The following ZNF813 variants were observed in gnomAD, a reference collection of about 807,000 sequenced individuals.
ZNF813 encodes zinc finger protein 813.
In ZNF813, 3 loss-of-function variants were observed where a neutral mutation model predicts 7.2. That is an observed-to-expected ratio of 0.42 (90% CI 0.19 to 1.08). The LOEUF (loss-of-function observed/expected upper bound fraction) is 1.08, where lower values mean the gene tolerates loss of function less well. Among genes scored for constraint, ZNF813 ranks in the 50% least tolerant of loss-of-function variants. ZNF813 has a pLI of 0.30. For synonymous variants in ZNF813, 227 were observed against 256.3 expected (o/e 0.89, Z 1.09); for missense variants, 714 against 753.3 (o/e 0.95, Z 0.61).
chr19:53,489,208 T>C (rs1208612783), intron 3 of ZNF813, among the ~76,000 whole-genome samples: 1 of 151,930 alleles, frequency 6.6e-6, no homozygotes, highest in Admixed American at 6.6e-5. Context: ...GGTTTCTCCA[T>C]GTTTGTCAGG....
intron 1 of ZNF813, among the ~76,000 whole-genome samples, chr19:53,470,172 T>C (rs367763686): frequency 1.2e-4 from 16 of 132,626 alleles, no homozygotes; most frequent in African/African-American, 1.2e-4. Flanking sequence ...TCTTTTCTTT[T>C]CTTTCTTTCT....
chr19:53,491,231 C>T lies in ZNF813; in HGVS notation c.999C>T (p.Gly333=). Residue 333 remains glycine (G), a synonymous_variant, in exon 4 of 4, where the codon GGC becomes GGT. Transcript: ENST00000396403. Reference sequence around the variant, plus strand: ...AACCATACAAGTGTAATGAATGTGGCAAGACCTTTAGTCAGACGTCATCCC... The same window carrying T: ...AACCATACAAGTGTAATGAATGTGGTAAGACCTTTAGTCAGACGTCATCCC... ...GEKPYKCNEC[G]KTFSQTSSLT... The T allele has an allele frequency of 6.2e-7, 1 of 1,613,906 alleles. No individual in the cohort carries two copies. Among genetic ancestry groups the T allele is most frequent in the Non-Finnish European group, 8.5e-7 (1 of 1,179,794 alleles).
rs878873897 is a variant in ZNF813 at position 53,491,282 on chromosome 19, T to G, written c.1050T>G (p.Thr350=). The G allele has an allele frequency of 6.2e-7, 1 of 1,613,898 alleles. No individual in the cohort carries two copies. The highest frequency in any genetic ancestry group is 8.5e-7 in the Non-Finnish European group (1 of 1,179,936). ...SSLTCHRRLH[T]GEKPFKCNEC... ...TTACATGCCATCGTAGACTTCATAC[T>G]GGAGAGAAACCTTTCAAGTGTAATG... Residue 350 remains threonine, a synonymous_variant, in exon 4 of 4, where the codon ACT becomes ACG. Transcript: ENST00000396403.
Position 53,486,587 on chromosome 19 carries a change from G to T in ZNF813, c.16-45G>T. On this transcript the variant is annotated intron_variant, in intron 2 of 3. Transcript: ENST00000396403. ...CTCTTCTCATTTTCTGTGAAGATAA[G>T]AACTCCTCCCATAACAATTTCCTTA... 4.3e-6 allele frequency: 7 copies of T among 1,613,780 alleles called. No homozygotes were observed. In the South Asian group the frequency reaches 4.4e-5, roughly 10 times the overall value.
At chr19:53,484,647 C>G (rs903073066) in intron 2 of ZNF813, among the ~76,000 whole-genome samples, 5 of 152,208 alleles carry the variant, frequency 3.3e-5, no homozygotes, top group African/African-American at 1.2e-4. Flanking sequence ...TCATGGGAAC[C>G]TCCATCTTCC....
chr19:53,469,927 C>G (rs1290295603), intron 1 of ZNF813, among the ~76,000 whole-genome samples: 1 of 151,532 alleles, frequency 6.6e-6, no homozygotes, highest in African/African-American at 2.4e-5. Flanking sequence ...ACTTAAGGTA[C>G]GCACCGGCTC....
At chr19:53,489,765 C>T (rs1357419515) in intron 3 of ZNF813, among the ~76,000 whole-genome samples, 3 of 152,088 alleles carry the variant, frequency 2.0e-5, no homozygotes, top group African/African-American at 7.2e-5. Context: ...GTGTTGCAAT[C>T]TCAGCTCACT....
intron 1 of ZNF813, among the ~76,000 whole-genome samples, chr19:53,471,234 CA>C (rs2086357517): frequency 6.6e-6 from 1 of 152,172 alleles, no homozygotes; most frequent in Non-Finnish European, 1.5e-5. Flanking sequence ...TTTTTCCTGG[CA>C]ACTGTCGGTA....
Position 53,491,261 on chromosome 19 carries a change from A to G in ZNF813, c.1029A>G (p.Thr343=), listed in dbSNP as rs758532935. 8 of 1,614,152 alleles carry G rather than the reference A, an allele frequency of 5.0e-6. No homozygotes were observed. In the East Asian group the frequency reaches 8.9e-5, roughly 18 times the overall value. Residue 343 remains threonine, a synonymous_variant, in exon 4 of 4, where the codon ACA becomes ACG. Coordinates refer to ENST00000396403, the MANE Select transcript of ZNF813 (RefSeq NM_001004301.4). ...GKTFSQTSSL[T]CHRRLHTGEK... ...CCTTTAGTCAGACGTCATCCCTTACATGCCATCGTAGACTTCATACTGGAG... is the reference window on the plus strand; with the variant it reads ...CCTTTAGTCAGACGTCATCCCTTACGTGCCATCGTAGACTTCATACTGGAG...
At chr19:53,468,777 GAATGGA>G (rs1253068119) in intron 1 of ZNF813, among the ~76,000 whole-genome samples, 1 of 151,798 alleles carries the variant, frequency 6.6e-6, no homozygotes, top group East Asian at 1.9e-4. Flanking sequence ...AGAATAGAAC[GAATGGA>G]AATGGTCAGC....
intron 2 of ZNF813, among the ~76,000 whole-genome samples, chr19:53,484,205 A>G (rs2086422338): frequency 6.6e-6 from 1 of 152,188 alleles, no homozygotes; most frequent in Non-Finnish European, 1.5e-5. Context: ...TGGAAGTCAC[A>G]TATTCATGTG....
rs1487517038 is a variant in ZNF813 at position 53,492,634 on chromosome 19, A to T, written c.*548A>T. 10 of 761,274 alleles carry T rather than the reference A, an allele frequency of 1.3e-5. No individual in the cohort carries two copies. In the Admixed American group the frequency reaches 1.9e-4, roughly 15 times the overall value. The allele number at this position is 761,274 out of a possible 1,614,324, so 47.2% of individuals were successfully genotyped here. The stretch of plus-strand genomic sequence containing the variant: ...TGGTGAAGGAAACTTGACTAATGTA[A>T]TGATTGTCACCAAGTCTTCAGTAAC... On this transcript the variant is annotated 3_prime_UTR_variant, in exon 4 of 4. Coordinates refer to ENST00000396403, the MANE Select transcript of ZNF813 (RefSeq NM_001004301.4).
chr19:53,491,792 G>T lies in ZNF813; in HGVS notation c.1560G>T (p.Glu520Asp), dbSNP rs1233365099. 3.1e-6 allele frequency: 5 copies of T among 1,613,664 alleles called. No homozygotes were observed. The highest frequency in any genetic ancestry group is 2.2e-5 in the East Asian group (1 of 44,852). The change falls in exon 4 of 4, where the codon GAG (glutamate) becomes GAT (aspartate). Residue 520 changes from glutamate (E) to aspartate (D), a missense_variant. Glu to Asp is a conservative substitution (Grantham distance 45, BLOSUM62 2). Around this residue, in one of 3 missense-constraint regions of ZNF813, gnomAD observed 122 missense variants for 146.8 expected, o/e 0.83. Transcript: ENST00000396403. ...LACHHRLHTG[E>D]KPYKCNECGK... is the part of the protein sequence containing the mutation. ...GTCATCATAGACTTCATACTGGAGAGAAACCTTACAAGTGTAATGAATGTG... is the reference window on the plus strand; with the variant it reads ...GTCATCATAGACTTCATACTGGAGATAAACCTTACAAGTGTAATGAATGTG...
At chr19:53,489,227 G>A (rs923443853) in intron 3 of ZNF813, among the ~76,000 whole-genome samples, 2 of 152,038 alleles carry the variant, frequency 1.3e-5, no homozygotes, top group Non-Finnish European at 2.9e-5. Context: ...GGCTGGTCTC[G>A]AACTCCTGAC....
rs189489225 is a variant in ZNF813, at chr19:53,494,159, A to T, written c.*2073A>T. ...CTTGAGTATCTACAGTCCTTTTTAC[A>T]TCCTCTTGAATACAGCTTTTTAGTA... On this transcript the variant is annotated 3_prime_UTR_variant, in exon 4 of 4. Transcript: ENST00000396403. The T allele has an allele frequency of 6.6e-6, 1 of 152,334 alleles. No individual in the cohort carries two copies. Among genetic ancestry groups the T allele is most frequent in the Admixed American group, 6.5e-5 (1 of 15,310 alleles). The allele number at this position is 152,334 out of a possible 1,614,324, so 9.4% of individuals were successfully genotyped here.
At chr19:53,485,636 A>G (rs927947502) in intron 2 of ZNF813, among the ~76,000 whole-genome samples, 3 of 143,764 alleles carry the variant, frequency 2.1e-5, no homozygotes, top group East Asian at 2.1e-4. Context: ...GTCGTGATAT[A>G]TACATGTATG....
intron 1 of ZNF813, among the ~76,000 whole-genome samples, chr19:53,469,088 A>G (rs1050192864): frequency 7.2e-5 from 11 of 152,182 alleles, no homozygotes; most frequent in Admixed American, 3.3e-4. Context: ...ACTTTTACCA[A>G]GCATACTGCC....
Position 53,496,089 on chromosome 19 carries a change from C to T in ZNF813, c.*4003C>T, listed in dbSNP as rs2708833. ...ATTTATGCTGTGTGAGCATTACAAT[C>T]GCGTTACCATATCAAGCTGAAAATG... On this transcript the variant is annotated 3_prime_UTR_variant, in exon 4 of 4. Transcript: ENST00000396403. 1,808 of 260,750 alleles carry T rather than the reference C, an allele frequency of 6.9e-3. 34 individuals are homozygous for T. The highest frequency in any genetic ancestry group is 0.036 in the African/African-American group (1,611 of 45,048). The allele number at this position is 260,750 out of a possible 1,614,324, so 16.2% of individuals were successfully genotyped here. A position where few individuals can be genotyped will look rare whatever the true frequency, so the allele number is the denominator to read the frequency against.
Position 53,496,105 on chromosome 19 carries a change from G to T in ZNF813, c.*4019G>T. 1 of 246,870 alleles carries T rather than the reference G, an allele frequency of 4.1e-6. No individual in the cohort carries two copies. The highest frequency in any genetic ancestry group is 8.3e-6 in the Non-Finnish European group (1 of 120,270). The allele number at this position is 246,870 out of a possible 1,614,324, so 15.3% of individuals were successfully genotyped here. On this transcript the variant is annotated 3_prime_UTR_variant, in exon 4 of 4. Coordinates refer to ENST00000396403, the MANE Select transcript of ZNF813 (RefSeq NM_001004301.4). ...CATTACAATCGCGTTACCATATCAA[G>T]CTGAAAATGTCACCACTATCTGGAG...
Sources: gnomAD v4.1 joint callset for allele counts (sites outside exome capture counted in the v4.1 genomes callset) on GRCh38, gnomAD v4.1.1 for gene constraint, gnomAD v4.1.1 regional missense constraint, MANE v1.5 for transcripts, NCBI Gene and HGNC (gene_info 2026-07-23, HGNC 2026-07-21) for gene names.